Variants in CELF4 observed in about 807,000 individuals in gnomAD.
CELF4 encodes the protein CUGBP Elav-like family member 4.
A neutral mutation model predicts 59.9 loss-of-function variants in CELF4; 18 were observed. That is an observed-to-expected ratio of 0.30 (90% CI 0.21 to 0.45). The LOEUF (loss-of-function observed/expected upper bound fraction) is 0.45. Ranked by LOEUF, CELF4 falls within the 20% of genes least tolerant of loss-of-function variation. The pLI, the probability that CELF4 is intolerant of heterozygous loss-of-function variation, is 1.00. For missense variants in CELF4, 456 were observed against 689.0 expected, an observed-to-expected ratio of 0.66 and a Z score of 3.79; for synonymous variants, 261 against 267.1, an observed-to-expected ratio of 0.98 and a Z score of 0.22.
intron 2 of CELF4, among the ~76,000 whole-genome samples, chr18:37,330,091 C>A (rs2097484340): frequency 6.6e-6 from 1 of 152,194 alleles, no homozygotes; most frequent in African/African-American, 2.4e-5. Context: ...GGTGATGCAA[C>A]CAACTCGATA....
Position 37,266,544 on chromosome 18 carries a change from T to G in CELF4, c.1154A>C (p.Gln385Pro). Residue 385 changes from glutamine to proline, a missense_variant, in exon 9 of 13, where the codon CAG becomes CCG. By Grantham distance (76) the Gln-to-Pro change is moderately conservative. Transcript: ENST00000420428. ...GCGTGGATACTAACGACCTGCATAC[T>G]GCTGCACTCCGGCGTAGGCCTGCTG... is the stretch of plus-strand genomic sequence containing the variant. ...PLQQAYAGVQ[Q>P]YAGPAAYPAA... is the part of the protein sequence containing the mutation. 1 of 1,595,590 alleles carries G rather than the reference T, an allele frequency of 6.3e-7. No homozygotes were observed. Among genetic ancestry groups the G allele is most frequent in the South Asian group, 1.1e-5 (1 of 87,440 alleles).
At chr18:37,396,494 G>T (rs2099246992) in intron 2 of CELF4, among the ~76,000 whole-genome samples, 1 of 152,156 alleles carries the variant, frequency 6.6e-6, no homozygotes, top group African/African-American at 2.4e-5. Context: ...AAAAGACCAC[G>T]GTGAGTGAGT....
intron 2 of CELF4, among the ~76,000 whole-genome samples, chr18:37,389,152 A>G (rs1026512268): frequency 6.6e-6 from 1 of 152,180 alleles, no homozygotes; most frequent in African/African-American, 2.4e-5. Context: ...TGAAACATGG[A>G]GCAGGCACCA....
At position 37,326,701 on chromosome 18, in the gene CELF4, C is replaced by T. The variant is rs955098875; in HGVS notation, c.370-4820G>A. On this transcript the variant is annotated intron_variant, in intron 2 of 12. Transcript: ENST00000420428. ...TGTGGACTGTGTTTCTACTTCCAGC[C>T]GGGCGCCCCTCTTAGGGAGCGAGTG... Among the ~76,000 whole-genome samples, 11 of 152,162 alleles carry T rather than the reference C, an allele frequency of 7.2e-5. No individual in the cohort carries two copies. In the South Asian group the frequency reaches 1.4e-3, roughly 20 times the overall value.
chr18:37,272,406 T>G (rs2091673417), intron 7 of CELF4, among the ~76,000 whole-genome samples: 1 of 152,228 alleles, frequency 6.6e-6, no homozygotes, highest in African/African-American at 2.4e-5. Flanking sequence ...CTGCAACAGC[T>G]GAGACTCACT....
chr18:37,269,922 G>A (rs2090302598), intron 8 of CELF4, among the ~76,000 whole-genome samples: 1 of 152,150 alleles, frequency 6.6e-6, no homozygotes, highest in Non-Finnish European at 1.5e-5. Flanking sequence ...CACAAACTGA[G>A]TACTTACTGA....
At chr18:37,457,356 C>T (rs2099781196) in intron 2 of CELF4, among the ~76,000 whole-genome samples, 1 of 152,132 alleles carries the variant, frequency 6.6e-6, no homozygotes. Context: ...CCTGAAAGCC[C>T]CCTCCAGACA....
intron 2 of CELF4, among the ~76,000 whole-genome samples, chr18:37,481,608 C>CAA (rs1201465495): frequency 6.6e-6 from 1 of 152,216 alleles, no homozygotes; most frequent in African/African-American, 2.4e-5. Flanking sequence ...AGGTGGTTCT[C>CAA]AGAGTGGGCC....
intron 1 of CELF4, among the ~76,000 whole-genome samples, chr18:37,547,519 C>T (rs998276498): frequency 1.4e-4 from 22 of 152,184 alleles, no homozygotes; most frequent in African/African-American, 4.1e-4. Context: ...AAGGCCTGCC[C>T]AAAATTTCTC....
chr18:37,343,560 A>ATATG (rs1196194563), intron 2 of CELF4, among the ~76,000 whole-genome samples: 1 of 151,792 alleles, frequency 6.6e-6, no homozygotes, highest in African/African-American at 2.4e-5. Context: ...CACCCCTGGT[A>ATATG]TATGTGGTGC....
chr18:37,504,286 T>C (rs573288257), intron 1 of CELF4, among the ~76,000 whole-genome samples: 6 of 150,438 alleles, frequency 4.0e-5, no homozygotes, highest in African/African-American at 1.2e-4. Context: ...AGGTCAGGAG[T>C]TCAAGATCAG....
chr18:37,439,798 G>A (rs2099706501), intron 2 of CELF4, among the ~76,000 whole-genome samples: 1 of 152,146 alleles, frequency 6.6e-6, no homozygotes, highest in Non-Finnish European at 1.5e-5. Flanking sequence ...GCTTAGGGTG[G>A]GCAGGGGCTA....
rs376014225 is a variant in CELF4 at position 37,365,717 on chromosome 18, C to T, written c.370-43836G>A. ...GTCAGACTGGTCTCGAACTCCTGAC[C>T]TCAGGTGATCCGCCCGCCTTGGCCT... On this transcript the variant is annotated intron_variant, in intron 2 of 12. Coordinates refer to ENST00000420428, the MANE Select transcript of CELF4 (RefSeq NM_020180.4). Among the ~76,000 whole-genome samples, 23 of 152,128 alleles carry T rather than the reference C, an allele frequency of 1.5e-4. No homozygotes were observed. The East Asian group carries it at 4.3e-3, about 28-fold the overall frequency.
chr18:37,266,584 C>T lies in CELF4; in HGVS notation c.1114G>A (p.Ala372Thr), dbSNP rs754319239. The T allele has an allele frequency of 1.1e-5, 17 of 1,592,836 alleles. No individual in the cohort carries two copies. The highest frequency in any genetic ancestry group is 3.4e-5 in the South Asian group (3 of 87,246). The change falls in exon 9 of 13, where the codon GCC (alanine) becomes ACC (threonine). Residue 372 changes from alanine to threonine, a missense_variant. Transcript: ENST00000420428. ...TAGGCCTGCTGCAGGGGGTCCGCGG[C>T]GGTGGGGCTCTGTGCTGTAGGGAGC... ...IHPYPAQSPT[A>T]ADPLQQAYAG...
At chr18:37,265,112 G>GT (rs1569251619) in intron 9 of CELF4, among the ~76,000 whole-genome samples, 8 of 149,596 alleles carry the variant, frequency 5.3e-5, no homozygotes, top group African/African-American at 2.0e-4. Context: ...CAAGTGTGTG[G>GT]GTGTGTGTGT....
At chr18:37,426,707 C>T (rs1377189570) in intron 2 of CELF4, among the ~76,000 whole-genome samples, 1 of 152,114 alleles carries the variant, frequency 6.6e-6, no homozygotes, top group African/African-American at 2.4e-5. Context: ...CCCAGGCGGC[C>T]CTGTTCCCTT....
In CELF4 at chr18:37,437,580, G is replaced by A. The variant is rs182199673; in HGVS notation, c.369+47945C>T. On this transcript the variant is annotated intron_variant, in intron 2 of 12. Transcript: ENST00000420428. ...CTCCCACCCATCTTGTGTCCTGGAG[G>A]ACCAAGGTAAGGCATTAGAGTGGCT... 3.7e-3 allele frequency among the ~76,000 whole-genome samples: 570 copies of A among 152,284 alleles called. 4 individuals are homozygous for A. Among genetic ancestry groups the A allele is most frequent in the African/African-American group, 0.013 (543 of 41,554 alleles).
chr18:37,268,009 C>G (rs2078527863), intron 8 of CELF4, among the ~76,000 whole-genome samples: 1 of 152,076 alleles, frequency 6.6e-6, no homozygotes, highest in South Asian at 2.1e-4. Context: ...TGCACTCCAG[C>G]CTGGGCAACA....
At chr18:37,310,675 C>G (rs975899488) in intron 3 of CELF4, among the ~76,000 whole-genome samples, 3 of 152,208 alleles carry the variant, frequency 2.0e-5, no homozygotes, top group Non-Finnish European at 4.4e-5. Flanking sequence ...CCCTGCACAC[C>G]CTGCCATTCC....
Sources: gnomAD v4.1 joint callset for allele counts (sites outside exome capture counted in the v4.1 genomes callset) on GRCh38, gnomAD v4.1.1 for gene constraint, MANE v1.5 for transcripts, NCBI Gene and HGNC (gene_info 2026-07-23, HGNC 2026-07-21) for gene names.